SCFD2: variants seen among roughly 807,000 people sequenced by gnomAD.
SCFD2 encodes sec1 family domain-containing protein 2.
SCFD2 carries 54 observed loss-of-function variants against 58.9 expected under a neutral mutation model. That is an observed-to-expected ratio of 0.92 (90% CI 0.74 to 1.15). SCFD2 has a LOEUF of 1.15. Among genes scored for constraint, SCFD2 ranks in the 50% most tolerant of loss-of-function variants. The pLI is 0.00. For missense variants in SCFD2, 805 were observed against 836.6 expected (o/e 0.96, Z 0.47); for synonymous variants, 321 against 335.9 (o/e 0.96, Z 0.49).
intron 5 of SCFD2, among the ~76,000 whole-genome samples, chr4:52,973,236 T>G (rs1721157862): frequency 6.6e-6 from 1 of 152,124 alleles, no homozygotes; most frequent in South Asian, 2.1e-4. Flanking sequence ...AGGAGCTGGT[T>G]TTTTGAAAAG....
chr4:53,238,439 C>T (rs1276239911), intron 4 of SCFD2, among the ~76,000 whole-genome samples: 5 of 148,530 alleles, frequency 3.4e-5, no homozygotes, highest in South Asian at 2.1e-4. Context: ...GGGCGGCTGG[C>T]CGGGCAGGGG....
chr4:52,993,163 G>C (rs573112938), intron 5 of SCFD2, among the ~76,000 whole-genome samples: 201 of 138,298 alleles, frequency 1.5e-3, no homozygotes, highest in South Asian at 3.7e-3. Flanking sequence ...GGCGGTGCAA[G>C]ATGTGCTTTG....
intron 5 of SCFD2, among the ~76,000 whole-genome samples, chr4:52,981,453 G>A (rs1050997164): frequency 6.6e-6 from 1 of 152,126 alleles, no homozygotes; most frequent in East Asian, 1.9e-4. Flanking sequence ...ACTATACTTG[G>A]AAAATATTTT....
chr4:53,126,725 C>G (rs1358596578), intron 5 of SCFD2, among the ~76,000 whole-genome samples: 3 of 152,148 alleles, frequency 2.0e-5, no homozygotes, highest in Non-Finnish European at 2.9e-5. Flanking sequence ...CACTTAACTA[C>G]AGAGTACAAG....
At position 53,202,939 on chromosome 4, in the gene SCFD2, G is replaced by T. The variant is rs200434487; in HGVS notation, c.1312-57357C>A. On this transcript the variant is annotated intron_variant, in intron 4 of 8. Transcript: ENST00000401642. ...AGGAGATTTTGGGCTGAGACAATGG[G>T]GTTATCTAGATATACAATCATGTCA... 7.9e-5 allele frequency among the ~76,000 whole-genome samples: 12 copies of T among 152,246 alleles called. No homozygotes were observed. The East Asian group carries it at 2.1e-3, about 27-fold the overall frequency.
At position 53,252,422 on chromosome 4, in the gene SCFD2, G is replaced by A. The variant is rs201263710; in HGVS notation, c.1311+21404C>T. On this transcript the variant is annotated intron_variant, in intron 4 of 8. Coordinates refer to ENST00000401642, the MANE Select transcript of SCFD2 (RefSeq NM_152540.4). ...ATGGAACCAAAAAAGAGCCCGCATC[G>A]CCAAGTCAATCCTAAGCCAAAGGAA... 2.8e-3 allele frequency among the ~76,000 whole-genome samples: 421 copies of A among 151,576 alleles called. 14 individuals are homozygous for A. In the East Asian group the frequency reaches 0.069, roughly 25 times the overall value.
intron 5 of SCFD2, among the ~76,000 whole-genome samples, chr4:53,050,407 AGAG>A (rs1723158683): frequency 6.6e-6 from 1 of 152,210 alleles, no homozygotes; most frequent in South Asian, 2.1e-4. Context: ...GATAGGTTGT[AGAG>A]GAGGCCATGA....
chr4:53,321,971 G>C (rs1437670529), intron 2 of SCFD2, among the ~76,000 whole-genome samples: 1 of 152,166 alleles, frequency 6.6e-6, no homozygotes, highest in Non-Finnish European at 1.5e-5. Context: ...CATCTAGCAG[G>C]GAAGGTGAAA....
chr4:53,265,137 T>C (rs1385873966), intron 4 of SCFD2, among the ~76,000 whole-genome samples: 2 of 152,208 alleles, frequency 1.3e-5, no homozygotes, highest in Non-Finnish European at 2.9e-5. Context: ...CAATAAGTTA[T>C]AGTCAAAATA....
chr4:53,247,577 A>C (rs977787150), intron 4 of SCFD2, among the ~76,000 whole-genome samples: 1 of 152,160 alleles, frequency 6.6e-6, no homozygotes, highest in African/African-American at 2.4e-5. Context: ...TAACAAGATC[A>C]GGCCGGGCGC....
chr4:52,884,862 G>C (rs1382165429), intron 8 of SCFD2, among the ~76,000 whole-genome samples: 2 of 152,118 alleles, frequency 1.3e-5, no homozygotes, highest in Non-Finnish European at 2.9e-5. Flanking sequence ...GGGAATAACT[G>C]CAGCCATCAT....
At chr4:52,966,109 C>T (rs1375188179) in intron 5 of SCFD2, among the ~76,000 whole-genome samples, 2 of 152,270 alleles carry the variant, frequency 1.3e-5, no homozygotes, top group East Asian at 3.9e-4. Flanking sequence ...TTGAAGTGCC[C>T]TCATTTATGG....
At chr4:52,960,365 CTTCTT>C (rs1206894457) in intron 5 of SCFD2, among the ~76,000 whole-genome samples, 1 of 131,490 alleles carries the variant, frequency 7.6e-6, no homozygotes, top group African/African-American at 2.7e-5. Flanking sequence ...ACATCTTCTT[CTTCTT>C]TTTTTTTTTT....
intron 4 of SCFD2, among the ~76,000 whole-genome samples, chr4:53,216,059 T>C (rs1728819713): frequency 6.6e-6 from 1 of 152,234 alleles, no homozygotes; most frequent in South Asian, 2.1e-4. Flanking sequence ...AGTATGTTAT[T>C]GAGGATTTTT....
At chr4:53,177,337 TAAAGAAAG>T (rs1727369928) in intron 4 of SCFD2, among the ~76,000 whole-genome samples, 1 of 152,040 alleles carries the variant, frequency 6.6e-6, no homozygotes, top group Admixed American at 6.5e-5. Context: ...AGGTATCAGG[TAAAGAAAG>T]CATCCTGGAG....
chr4:53,322,378 T>A (rs183771563), intron 2 of SCFD2, among the ~76,000 whole-genome samples: 12 of 152,286 alleles, frequency 7.9e-5, no homozygotes, highest in Admixed American at 2.0e-4. Context: ...ACAAATGGCA[T>A]GGCAACATCA....
chr4:53,087,608 C>T (rs1469065805), intron 5 of SCFD2, among the ~76,000 whole-genome samples: 1 of 151,846 alleles, frequency 6.6e-6, no homozygotes, highest in Non-Finnish European at 1.5e-5. Flanking sequence ...GCTGGGATTA[C>T]AGGCGTGAGC....
intron 4 of SCFD2, among the ~76,000 whole-genome samples, chr4:53,213,928 A>G (rs1728712931): frequency 6.6e-6 from 1 of 152,028 alleles, no homozygotes; most frequent in African/African-American, 2.4e-5. Flanking sequence ...TCCTTGCGAT[A>G]GTTTGCTGAG....
intron 5 of SCFD2, among the ~76,000 whole-genome samples, chr4:53,127,614 T>C (rs1725665095): frequency 1.3e-5 from 2 of 151,998 alleles, no homozygotes; most frequent in African/African-American, 2.4e-5. Flanking sequence ...ATCTCAGGAG[T>C]TGTCTGAGCT....
Sources: allele counts gnomAD v4.1 joint callset (sites outside exome capture counted in the v4.1 genomes callset), GRCh38; gene constraint gnomAD v4.1.1; transcripts MANE v1.5; gene names NCBI Gene and HGNC (gene_info 2026-07-23, HGNC 2026-07-21).